POTEJ: variants seen among roughly 807,000 people sequenced by gnomAD.
POTEJ encodes the protein POTE ankyrin domain family, member J.
POTEJ carries 11 observed loss-of-function variants against 69.0 expected under a neutral mutation model. The observed-to-expected ratio is 0.16, with a 90% CI of 0.10 to 0.26. POTEJ has a LOEUF of 0.26. POTEJ is among the 10% of genes least tolerant of loss of function. The pLI, the probability that POTEJ is intolerant of heterozygous loss-of-function variation, is 1.00. For missense variants in POTEJ, 327 were observed against 1,045.5 expected, an observed-to-expected ratio of 0.31 and a Z score of 9.48; for synonymous variants, 117 against 381.1, an observed-to-expected ratio of 0.31 and a Z score of 8.07.
chr2:130,642,949 CTTTAT>C (rs1010938236), intron 10 of POTEJ, among the ~76,000 whole-genome samples: 1 of 150,204 alleles, frequency 6.7e-6, no homozygotes, highest in African/African-American at 2.5e-5. Flanking sequence ...CTCTGACAGG[CTTTAT>C]TTTAATTCTT....
At position 130,615,588 on chromosome 2, in the gene POTEJ, A is replaced by G. The variant is rs372165265; in HGVS notation, c.411-1202A>G. Among the ~76,000 whole-genome samples the G allele has an allele frequency of 6.0e-4, 84 of 140,882 alleles. 6 individuals are homozygous for G. Among genetic ancestry groups the G allele is most frequent in the Middle Eastern group, 7.2e-3 (2 of 276 alleles). The allele number at this position is 140,882 out of a possible 152,430, so 92.4% of individuals were successfully genotyped here. ...ACAGATACCTAGAGGGAAGGAACAC[A>G]CACTGGGGCCTATCAGAGGGTGGAG... On this transcript the variant is annotated intron_variant, in intron 1 of 14. Transcript: ENST00000409602.
Position 130,654,741 on chromosome 2 carries a change from C to G in POTEJ, c.1668-180C>G, listed in dbSNP as rs540265178. Among the ~76,000 whole-genome samples the G allele has an allele frequency of 1.4e-3, 195 of 142,958 alleles. 2 individuals carry two copies. In the East Asian group the frequency reaches 0.015, roughly 11 times the overall value. The allele number at this position is 142,958 out of a possible 152,430, so 93.8% of individuals were successfully genotyped here. Reference sequence around the variant, plus strand: ...CCTGTAAAAATTATCTTCCACAAAACCAGTCCCTGGTGCCAGCATGGTTGG... The same window carrying G: ...CCTGTAAAAATTATCTTCCACAAAAGCAGTCCCTGGTGCCAGCATGGTTGG... On this transcript the variant is annotated intron_variant, in intron 13 of 14. Coordinates refer to ENST00000409602, the MANE Select transcript of POTEJ (RefSeq NM_001277083.2).
At chr2:130,614,652 G>GA (rs1356735034) in intron 1 of POTEJ, among the ~76,000 whole-genome samples, 1 of 138,682 alleles carries the variant, frequency 7.2e-6, no homozygotes, top group East Asian at 1.9e-4. Flanking sequence ...TGTAAGTGAA[G>GA]TTTTTCCCTT....
intron 9 of POTEJ, among the ~76,000 whole-genome samples, chr2:130,636,992 T>C (rs1686116699): frequency 7.0e-6 from 1 of 143,262 alleles, no homozygotes; most frequent in African/African-American, 2.6e-5. Context: ...GGCAGGAGAA[T>C]GGCATGAACC....
At chr2:130,624,836 A>G (rs1433299236) in intron 6 of POTEJ, among the ~76,000 whole-genome samples, 1 of 152,112 alleles carries the variant, frequency 6.6e-6, no homozygotes, top group Non-Finnish European at 1.5e-5. Flanking sequence ...TTGAAGTTGG[A>G]AAGAGATATA....
chr2:130,655,429 G>A (rs182914959), intron 14 of POTEJ, among the ~76,000 whole-genome samples: 1 of 152,244 alleles, frequency 6.6e-6, no homozygotes, highest in Admixed American at 6.5e-5. Flanking sequence ...AGTAGGAAAT[G>A]TACAGCTGGG....
intron 1 of POTEJ, among the ~76,000 whole-genome samples, chr2:130,613,382 G>GTATA (rs1161503074): frequency 0.08 from 6,025 of 75,690 alleles, 1 homozygote; most frequent in Middle Eastern, 0.13. Context: ...GTGTGTGTGT[G>GTATA]TGTATATATA....
chr2:130,631,998 G>T lies in POTEJ; in HGVS notation c.1132-492G>T, dbSNP rs1339074912. 3.4e-4 allele frequency among the ~76,000 whole-genome samples: 48 copies of T among 143,280 alleles called. 3 individuals are homozygous for T. The highest frequency in any genetic ancestry group is 7.7e-4 in the East Asian group (4 of 5,174). The allele number at this position is 143,280 out of a possible 152,430, so 94.0% of individuals were successfully genotyped here. A position where few individuals can be genotyped will look rare whatever the true frequency, so the allele number is the denominator to read the frequency against. The stretch of plus-strand genomic sequence containing the variant: ...AAAAGAATGCTCAAAGGCAGTGGGG[G>T]AGAAGAATATCTTAGCGCAGAAAAG... On this transcript the variant is annotated intron_variant, in intron 8 of 14. Coordinates refer to ENST00000409602, the MANE Select transcript of POTEJ (RefSeq NM_001277083.2).
intron 6 of POTEJ, among the ~76,000 whole-genome samples, chr2:130,626,150 A>T (rs1353720309): frequency 3.3e-5 from 5 of 149,974 alleles, no homozygotes; most frequent in Admixed American, 6.6e-5. Flanking sequence ...GTAACATTTC[A>T]TTGGCTGGGT....
chr2:130,634,888 A>C (rs1439162316), intron 9 of POTEJ, among the ~76,000 whole-genome samples: 1 of 152,184 alleles, frequency 6.6e-6, no homozygotes, highest in Non-Finnish European at 1.5e-5. Flanking sequence ...GTCCTCCAAC[A>C]TTGTTTTTCC....
At chr2:130,655,889 G>T (rs1224881231) in intron 14 of POTEJ, among the ~76,000 whole-genome samples, 26 of 135,930 alleles carry the variant, frequency 1.9e-4, no homozygotes, top group South Asian at 7.5e-4. Context: ...TAAGAATCGC[G>T]ATCTTAAATG....
At chr2:130,622,482 A>G (rs1434671598) in intron 5 of POTEJ, among the ~76,000 whole-genome samples, 5 of 117,352 alleles carry the variant, frequency 4.3e-5, no homozygotes, top group African/African-American at 1.8e-4. Context: ...AGAGGGGTTC[A>G]AATAATGTGG....
At chr2:130,622,904 A>G (rs1270811179) in intron 5 of POTEJ, 3 of 146,520 alleles carry the variant, frequency 2.0e-5, no homozygotes, top group African/African-American at 2.6e-5. Flanking sequence ...TGGCTTCTGC[A>G]TAAGGAGGCA....
chr2:130,623,592 A>G (rs1307353688), intron 5 of POTEJ, among the ~76,000 whole-genome samples: 1 of 82,784 alleles, frequency 1.2e-5, no homozygotes, highest in East Asian at 2.9e-4. Context: ...AATTTTAGTC[A>G]TAAAGTTTAG....
rs1467385078 is a variant in POTEJ at position 130,649,683 on chromosome 2, G to A, written c.1667+3373G>A. Among the ~76,000 whole-genome samples, 7 of 151,990 alleles carry A rather than the reference G, an allele frequency of 4.6e-5. No individual in the cohort carries two copies. The East Asian group carries it at 1.3e-3, about 29-fold the overall frequency. On this transcript the variant is annotated intron_variant, in intron 13 of 14. Coordinates refer to ENST00000409602, the MANE Select transcript of POTEJ (RefSeq NM_001277083.2). ...TAACTGAAAGGCAGTAAACCATCTGGCATGTTACCTCTCCTGCTGAAACTT... is the reference window on the plus strand; with the variant it reads ...TAACTGAAAGGCAGTAAACCATCTGACATGTTACCTCTCCTGCTGAAACTT...
chr2:130,636,480 GAA>G (rs66975392), intron 9 of POTEJ, among the ~76,000 whole-genome samples: 3 of 137,156 alleles, frequency 2.2e-5, no homozygotes, highest in African/African-American at 8.0e-5. Context: ...TTTTGTATTA[GAA>G]AAAAAAAAAC....
intron 3 of POTEJ, among the ~76,000 whole-genome samples, chr2:130,618,573 T>TAACAAC (rs751761769): frequency 2.7e-5 from 4 of 147,306 alleles, no homozygotes; most frequent in South Asian, 2.1e-4. Flanking sequence ...ACCCTGTCTC[T>TAACAAC]AACAACAACA....
chr2:130,641,836 A>G (rs1402682492), intron 10 of POTEJ, among the ~76,000 whole-genome samples: 7 of 152,226 alleles, frequency 4.6e-5, no homozygotes, highest in African/African-American at 1.7e-4. Context: ...CAAAGATCCA[A>G]GAATCTGAAA....
intron 9 of POTEJ, among the ~76,000 whole-genome samples, chr2:130,637,158 T>C (rs540882212): frequency 3.5e-3 from 537 of 151,298 alleles, no homozygotes; most frequent in Non-Finnish European, 6.3e-3. Context: ...TAAAATCGTT[T>C]TGGCTCTTTA....
Sources: gnomAD v4.1 joint callset for allele counts (sites outside exome capture counted in the v4.1 genomes callset) on GRCh38, gnomAD v4.1.1 for gene constraint, MANE v1.5 for transcripts, NCBI Gene and HGNC (gene_info 2026-07-23, HGNC 2026-07-21) for gene names.